The following LRRC7 variants were observed in gnomAD, a reference collection of about 807,000 sequenced individuals.
LRRC7 encodes leucine-rich repeat-containing protein 7.
In LRRC7, 23 loss-of-function variants were observed where a neutral mutation model predicts 175.7. The ratio of observed to expected loss-of-function variants is 0.13; its 90% CI spans 0.09 to 0.19. LRRC7 has a LOEUF of 0.19. LRRC7 is among the 10% of genes least tolerant of loss of function. The probability of loss-of-function intolerance (pLI) is 1.00; values close to 1 mark genes in which losing one functional copy is unlikely to be tolerated. For synonymous variants in LRRC7, 685 were observed against 680.9 expected (o/e 1.01, Z -0.09); for missense variants, 1,354 against 1,904.7 (o/e 0.71, Z 5.38).
intron 10 of LRRC7, among the ~76,000 whole-genome samples, chr1:69,993,229 T>C (rs12023122): frequency 0.047 from 7,089 of 152,236 alleles, 171 homozygotes; most frequent in South Asian, 0.1. Flanking sequence ...CAATGTGAAC[T>C]GTCCCTTTCC....
At chr1:69,864,264 A>G (rs1684674008) in intron 7 of LRRC7, among the ~76,000 whole-genome samples, 1 of 152,212 alleles carries the variant, frequency 6.6e-6, no homozygotes, top group African/African-American at 2.4e-5. Flanking sequence ...TCACAGATAG[A>G]AATATGAATG....
chr1:69,976,925 A>G (rs1454473337), intron 8 of LRRC7, among the ~76,000 whole-genome samples: 5 of 141,058 alleles, frequency 3.5e-5, no homozygotes, highest in African/African-American at 1.2e-4. Context: ...GCTAAAACCT[A>G]TTCTCTAAGC....
intron 9 of LRRC7, among the ~76,000 whole-genome samples, chr1:69,983,659 A>G (rs961398020): frequency 1.3e-5 from 2 of 152,198 alleles, no homozygotes; most frequent in South Asian, 2.1e-4. Flanking sequence ...GAACAACTTC[A>G]GGGCAATCCC....
intron 7 of LRRC7, among the ~76,000 whole-genome samples, chr1:69,883,653 C>G (rs1192315794): frequency 1.0e-5 from 1 of 98,790 alleles, no homozygotes; most frequent in Admixed American, 1.0e-4. Flanking sequence ...CTTTTGTTGC[C>G]ATTGCTTTTG....
intron 23 of LRRC7, among the ~76,000 whole-genome samples, chr1:70,061,520 G>T (rs1661575319): frequency 6.6e-6 from 1 of 152,080 alleles, no homozygotes; most frequent in African/African-American, 2.4e-5. Context: ...AGTAAGCTCT[G>T]CCCAGAAACA....
intron 1 of LRRC7, among the ~76,000 whole-genome samples, chr1:69,617,546 G>GGAAAAAAAAAAAAAAAAAAAAAA: frequency 9.5e-5 from 1 of 10,484 alleles, no homozygotes; most frequent in Non-Finnish European, 1.9e-4. Flanking sequence ...TATACTCACA[G>GGAAAAAAAAAAAAAAAAAAAAAA]TAAAAAAAAA....
intron 1 of LRRC7, among the ~76,000 whole-genome samples, chr1:69,671,100 C>T (rs370176609): frequency 6.6e-6 from 1 of 152,218 alleles, no homozygotes; most frequent in African/African-American, 2.4e-5. Flanking sequence ...CCATAGCCAC[C>T]ACAACTGGGA....
chr1:70,021,547 A>G (rs1657503955), intron 16 of LRRC7, among the ~76,000 whole-genome samples: 1 of 152,170 alleles, frequency 6.6e-6, no homozygotes, highest in Non-Finnish European at 1.5e-5. Flanking sequence ...ACAGATTAAT[A>G]TGTTACATTG....
intron 7 of LRRC7, among the ~76,000 whole-genome samples, chr1:69,843,729 A>T (rs188583823): frequency 1.3e-5 from 2 of 152,290 alleles, no homozygotes; most frequent in East Asian, 3.9e-4. Flanking sequence ...TTCCAAAAAG[A>T]TTCACTTTAA....
At chr1:69,963,319 A>G (rs2101849530) in intron 8 of LRRC7, among the ~76,000 whole-genome samples, 1 of 131,876 alleles carries the variant, frequency 7.6e-6, no homozygotes, top group Non-Finnish European at 1.6e-5. Context: ...AAAAAAAAAA[A>G]GAAAGAAAGA....
intron 3 of LRRC7, among the ~76,000 whole-genome samples, chr1:69,770,453 CAAATTTTG>C (rs1166717547): frequency 2.0e-5 from 3 of 152,082 alleles, no homozygotes; most frequent in African/African-American, 7.2e-5. Flanking sequence ...TTTAGGGTGA[CAAATTTTG>C]AAATGCTATT....
chr1:70,090,353 A>C (rs761725961), intron 25 of LRRC7, among the ~76,000 whole-genome samples: 9 of 152,094 alleles, frequency 5.9e-5, no homozygotes, highest in Non-Finnish European at 1.2e-4. Flanking sequence ...ATCAGTTAGC[A>C]TTAGCAGAAG....
intron 14 of LRRC7, among the ~76,000 whole-genome samples, chr1:70,017,539 A>G (rs958080912): frequency 6.6e-6 from 1 of 152,130 alleles, no homozygotes; most frequent in African/African-American, 2.4e-5. Context: ...ACCTATCCTC[A>G]AATATGAATG....
At chr1:69,622,297 A>G (rs1650740391) in intron 1 of LRRC7, among the ~76,000 whole-genome samples, 1 of 152,192 alleles carries the variant, frequency 6.6e-6, no homozygotes. Flanking sequence ...TCTTGTTCAT[A>G]TGTGGCTTAC....
intron 1 of LRRC7, among the ~76,000 whole-genome samples, chr1:69,571,090 A>G (rs567940259): frequency 2.0e-5 from 3 of 152,348 alleles, no homozygotes; most frequent in African/African-American, 4.8e-5. Context: ...GATAAGAAAA[A>G]CAGTCAATTT....
intron 2 of LRRC7, among the ~76,000 whole-genome samples, chr1:69,717,819 A>AAAG (rs1665633257): frequency 2.1e-5 from 1 of 47,858 alleles, no homozygotes; most frequent in African/African-American, 1.2e-4. Flanking sequence ...AGAAAGAAAG[A>AAAG]AAGAAAGAAA....
intron 25 of LRRC7, among the ~76,000 whole-genome samples, chr1:70,095,811 T>C (rs1361695366): frequency 1.3e-5 from 2 of 152,182 alleles, no homozygotes; most frequent in Non-Finnish European, 2.9e-5. Context: ...AAACATTTTT[T>C]AATCAAAATA....
rs765877805 is a variant in LRRC7, at chr1:70,036,162, A to G, written c.2037A>G (p.Glu679=). The change falls in exon 19 of 27, where the codon GAA becomes GAG. Residue 679 remains glutamate (E), a synonymous_variant. Coordinates refer to ENST00000651989, the MANE Select transcript of LRRC7 (RefSeq NM_001370785.2). The part of the protein sequence containing the change: ...VHPANEMRIG[E]LHPSLAETPL... ...CAGCTAATGAAATGAGGATTGGGGAACTTCACCCTTCATTAGCTGAGACCC... is the reference window on the plus strand; with the variant it reads ...CAGCTAATGAAATGAGGATTGGGGAGCTTCACCCTTCATTAGCTGAGACCC... 7 of 1,613,200 alleles carry G rather than the reference A, an allele frequency of 4.3e-6. No individual in the cohort carries two copies. Among genetic ancestry groups the G allele is most frequent in the Non-Finnish European group, 4.2e-6 (5 of 1,179,550 alleles).
At chr1:69,943,694 C>T (rs886440876) in intron 8 of LRRC7, among the ~76,000 whole-genome samples, 2 of 152,006 alleles carry the variant, frequency 1.3e-5, no homozygotes, top group African/African-American at 2.4e-5. Context: ...CAGGCTGCCT[C>T]CCAGGATCTA....
Sources: allele counts gnomAD v4.1 joint callset (sites outside exome capture counted in the v4.1 genomes callset), GRCh38; gene constraint gnomAD v4.1.1; transcripts MANE v1.5; gene names NCBI Gene and HGNC (gene_info 2026-07-23, HGNC 2026-07-21).